Variants in GPC6 observed in about 807,000 individuals in gnomAD.
GPC6 encodes the protein glypican 6, also known as glypican-6.
GPC6 carries 14 observed loss-of-function variants against 55.2 expected under a neutral mutation model. The observed-to-expected ratio is 0.25, with a 90% CI of 0.17 to 0.40. GPC6 has a LOEUF of 0.40. GPC6 is among the 10% of genes least tolerant of loss of function. The probability of loss-of-function intolerance (pLI) is 1.00; values close to 1 mark genes in which losing one functional copy is unlikely to be tolerated. For synonymous variants in GPC6, 278 were observed against 259.6 expected, an observed-to-expected ratio of 1.07 and a Z score of -0.68; for missense variants, 641 against 708.5, an observed-to-expected ratio of 0.90 and a Z score of 1.08.
intron 6 of GPC6, among the ~76,000 whole-genome samples, chr13:94,336,186 T>G (rs1877689826): frequency 6.6e-6 from 1 of 152,166 alleles, no homozygotes; most frequent in Admixed American, 6.5e-5. Flanking sequence ...TTACCTCCTG[T>G]TCTCCTGCTA....
chr13:94,103,226 TTA>T, intron 4 of GPC6, among the ~76,000 whole-genome samples: 1 of 152,338 alleles, frequency 6.6e-6, no homozygotes, highest in East Asian at 1.9e-4. Flanking sequence ...TCATCCTTTT[TTA>T]TGGCTGCATA....
Position 93,717,041 on chromosome 13 carries a change from A to G in GPC6, c.320-113113A>G, listed in dbSNP as rs534321403. 4.0e-4 allele frequency among the ~76,000 whole-genome samples: 60 copies of G among 151,698 alleles called. 1 individual carries two copies. The highest frequency in any genetic ancestry group is 4.1e-4 in the Non-Finnish European group (28 of 67,720). On this transcript the variant is annotated intron_variant, in intron 2 of 8. Coordinates refer to ENST00000377047, the MANE Select transcript of GPC6 (RefSeq NM_005708.5). ...GTAGTCTAGGTGTGTAGTAGGCTAC[A>G]CCATCTAGGTTTATGTAAGTACACA... is the stretch of plus-strand genomic sequence containing the variant.
chr13:94,401,944 T>TGATAGATAGATA (rs200622525), intron 8 of GPC6, among the ~76,000 whole-genome samples: 2 of 149,748 alleles, frequency 1.3e-5, no homozygotes, highest in Non-Finnish European at 3.0e-5. Flanking sequence ...ATTGATTGAT[T>TGATAGATAGATA]GATAGATAGA....
chr13:94,031,247 T>C (rs9524315), intron 4 of GPC6, among the ~76,000 whole-genome samples: 21,405 of 152,154 alleles, frequency 0.14, 1,814 homozygotes, highest in East Asian at 0.34. Flanking sequence ...GTAACTGTTA[T>C]AAGAAAAAGA....
At chr13:94,071,219 C>G (rs1884721139) in intron 4 of GPC6, among the ~76,000 whole-genome samples, 1 of 152,092 alleles carries the variant, frequency 6.6e-6, no homozygotes, top group Admixed American at 6.6e-5. Flanking sequence ...TTGGTTAACT[C>G]AGTTTTGAAA....
In GPC6 at chr13:94,403,066, G is replaced by C; in HGVS notation, c.1517G>C (p.Cys506Ser). 6.2e-7 allele frequency: 1 copy of C among 1,613,828 alleles called. No individual in the cohort carries two copies. The highest frequency in any genetic ancestry group is 8.5e-7 in the Non-Finnish European group (1 of 1,179,694). ...GSGSGCMDDV[C>S]PTEFEFVTTE... ...GGCAGTGGGTGCATGGATGACGTGT[G>C]TCCCACGGAGTTTGAGTTTGTCACC... Residue 506 changes from cysteine to serine, a missense_variant, in exon 9 of 9, where the codon TGT (cysteine) becomes TCT (serine). Coordinates refer to ENST00000377047, the MANE Select transcript of GPC6 (RefSeq NM_005708.5).
At chr13:93,482,647 A>G (rs1193490988) in intron 1 of GPC6, among the ~76,000 whole-genome samples, 1 of 152,158 alleles carries the variant, frequency 6.6e-6, no homozygotes, top group Non-Finnish European at 1.5e-5. Flanking sequence ...TCAGGAATAG[A>G]AGGCAAAACC....
chr13:93,740,909 CTG>C (rs1834911635), intron 2 of GPC6, among the ~76,000 whole-genome samples: 2 of 152,070 alleles, frequency 1.3e-5, no homozygotes, highest in Non-Finnish European at 2.9e-5. Context: ...AAAGAGAAAA[CTG>C]TGTGGTTAAC....
intron 2 of GPC6, among the ~76,000 whole-genome samples, chr13:93,815,087 A>G (rs991762061): frequency 5.9e-5 from 9 of 151,974 alleles, no homozygotes; most frequent in African/African-American, 2.2e-4. Flanking sequence ...TTTTGCAGAA[A>G]TTACCAATTT....
At chr13:93,562,147 C>G (rs1302845300) in intron 2 of GPC6, among the ~76,000 whole-genome samples, 1 of 151,892 alleles carries the variant, frequency 6.6e-6, no homozygotes, top group East Asian at 1.9e-4. Context: ...GTGATGGAGC[C>G]TTTCCCTTGT....
chr13:93,655,384 A>G (rs1428813646), intron 2 of GPC6, among the ~76,000 whole-genome samples: 1 of 152,114 alleles, frequency 6.6e-6, no homozygotes, highest in Non-Finnish European at 1.5e-5. Context: ...TCCCTCTTGA[A>G]ACAGAGTGGT....
intron 1 of GPC6, among the ~76,000 whole-genome samples, chr13:93,494,762 T>G (rs944472385): frequency 6.6e-6 from 1 of 150,446 alleles, no homozygotes; most frequent in Non-Finnish European, 1.5e-5. Context: ...GTAAAGTATT[T>G]TATTTCTCCT....
At chr13:93,363,526 G>A (rs1202064723) in intron 1 of GPC6, among the ~76,000 whole-genome samples, 1 of 151,214 alleles carries the variant, frequency 6.6e-6, no homozygotes, top group Non-Finnish European at 1.5e-5. Context: ...TCTTAATCCA[G>A]TCTATCATTG....
chr13:93,496,000 A>C (rs1424140698), intron 1 of GPC6, among the ~76,000 whole-genome samples: 1 of 151,312 alleles, frequency 6.6e-6, no homozygotes, highest in Non-Finnish European at 1.5e-5. Flanking sequence ...CTGCCCCCAG[A>C]GGTGGATCCT....
rs147813089 is a variant in GPC6, at chr13:93,401,904, G to A, written c.161-143359G>A. Reference sequence around the variant, plus strand: ...ACATGAATAAATTAAGAATAAGGTTGGGGGAAGGAAACTAACATCTGAGTG... The same window carrying A: ...ACATGAATAAATTAAGAATAAGGTTAGGGGAAGGAAACTAACATCTGAGTG... On this transcript the variant is annotated intron_variant, in intron 1 of 8. Transcript: ENST00000377047. Among the ~76,000 whole-genome samples the A allele has an allele frequency of 3.0e-3, 449 of 152,036 alleles. 2 individuals carry two copies. Among genetic ancestry groups the A allele is most frequent in the African/African-American group, 0.011 (440 of 41,486 alleles).
intron 1 of GPC6, among the ~76,000 whole-genome samples, chr13:93,470,950 C>A (rs1879089420): frequency 6.6e-6 from 1 of 151,950 alleles, no homozygotes; most frequent in Admixed American, 6.6e-5. Flanking sequence ...GCTTTATTAT[C>A]CATTTAATGT....
intron 1 of GPC6, among the ~76,000 whole-genome samples, chr13:93,536,159 A>G (rs546719693): frequency 6.6e-6 from 1 of 152,238 alleles, no homozygotes; most frequent in Non-Finnish European, 1.5e-5. Context: ...TCATTCATGC[A>G]GTGGGAGGAG....
intron 2 of GPC6, among the ~76,000 whole-genome samples, chr13:93,644,968 AT>A (rs1880111992): frequency 1.3e-5 from 2 of 152,054 alleles, no homozygotes; most frequent in Non-Finnish European, 2.9e-5. Flanking sequence ...ACTTGAGAAC[AT>A]TTCAAAGCAA....
At chr13:93,435,029 A>T (rs1877515401) in intron 1 of GPC6, among the ~76,000 whole-genome samples, 2 of 152,216 alleles carry the variant, frequency 1.3e-5, no homozygotes. Flanking sequence ...AATGGCCAAA[A>T]TTAGTACCTT....
Sources: allele counts gnomAD v4.1 joint callset (sites outside exome capture counted in the v4.1 genomes callset), GRCh38; gene constraint gnomAD v4.1.1; transcripts MANE v1.5; gene names NCBI Gene and HGNC (gene_info 2026-07-23, HGNC 2026-07-21).